Variants in TLE4 observed in about 807,000 individuals in gnomAD.
The protein encoded by TLE4 is transducin-like enhancer protein 4.
Under a neutral mutation model 92.8 loss-of-function variants are expected in TLE4, and 8 were observed. The ratio of observed to expected loss-of-function variants is 0.09; its 90% confidence interval spans 0.05 to 0.16. The LOEUF is 0.16. Among genes scored for constraint, TLE4 ranks in the 10% least tolerant of loss-of-function variants. The pLI is 1.00. For missense variants in TLE4, 675 were observed against 997.6 expected (o/e 0.68, Z 4.36); for synonymous variants, 371 against 374.1 (o/e 0.99, Z 0.10).
intron 8 of TLE4, among the ~76,000 whole-genome samples, chr9:79,663,045 T>TGGGTGGGGGTGG (rs57059626): frequency 1.8e-5 from 2 of 109,904 alleles, no homozygotes; most frequent in African/African-American, 6.4e-5. Context: ...CCTCCCAACC[T>TGGGTGGGGGTGG]GGGTGGGGGT....
At chr9:79,722,874 T>G in intron 18 of TLE4, 85 bp from the exon 19 acceptor site, 1 of 1,263,942 alleles carries the variant, frequency 7.9e-7, no homozygotes. Flanking sequence ...AGTTTTCTGT[T>G]AATAGTTTGG....
chr9:79,715,194 C>T (rs950726829), intron 14 of TLE4, among the ~76,000 whole-genome samples: 2 of 152,140 alleles, frequency 1.3e-5, no homozygotes, highest in African/African-American at 4.8e-5. Flanking sequence ...TCTCAGTGCT[C>T]TTTAATAACC....
chr9:79,704,772 T>G lies in TLE4; in HGVS notation c.610-11T>G, dbSNP rs904986797. 7 of 1,606,044 alleles carry G rather than the reference T, an allele frequency of 4.4e-6. No individual in the cohort carries two copies. The African/African-American group carries it at 9.4e-5, about 22-fold the overall frequency. ...ATTTCTCAACCATGCTTCCTCTCCTTCTAATTCCAGAGCTCTTCAGTATCC... is the reference window on the plus strand; with the variant it reads ...ATTTCTCAACCATGCTTCCTCTCCTGCTAATTCCAGAGCTCTTCAGTATCC... On this transcript the variant is annotated splice_polypyrimidine_tract_variant and intron_variant, in intron 8 of 19. Coordinates refer to ENST00000376552, the MANE Select transcript of TLE4 (RefSeq NM_007005.6).
chr9:79,702,843 G>A (rs573701101), intron 8 of TLE4, among the ~76,000 whole-genome samples: 5 of 152,190 alleles, frequency 3.3e-5, no homozygotes, highest in African/African-American at 7.2e-5. Context: ...ATCACCACAG[G>A]TATGAAGAAA....
Position 79,583,473 on chromosome 9 carries a change from T to C in TLE4, c.252+7296T>C, listed in dbSNP as rs192386144. Among the ~76,000 whole-genome samples, 12 of 152,250 alleles carry C rather than the reference T, an allele frequency of 7.9e-5. No individual in the cohort carries two copies. The East Asian group carries it at 2.3e-3, about 29-fold the overall frequency. ...AATGAAAGGATAACTTCTCTCCCGGTGCGAGACAATACTCTATCCCCAACC... is the reference window on the plus strand; with the variant it reads ...AATGAAAGGATAACTTCTCTCCCGGCGCGAGACAATACTCTATCCCCAACC... On this transcript the variant is annotated intron_variant, in intron 4 of 19. Transcript: ENST00000376552.
intron 4 of TLE4, among the ~76,000 whole-genome samples, chr9:79,588,567 C>A (rs1020435259): frequency 1.3e-5 from 2 of 152,186 alleles, no homozygotes; most frequent in African/African-American, 2.4e-5. Context: ...CAAATTAACA[C>A]ACTAGATTAG....
rs377475285 is a variant in TLE4 at position 79,689,897 on chromosome 9, A to G, written c.610-14886A>G. Among the ~76,000 whole-genome samples, 8 of 152,290 alleles carry G rather than the reference A, an allele frequency of 5.3e-5. No homozygotes were observed. In the East Asian group the frequency reaches 5.8e-4, roughly 11 times the overall value. On this transcript the variant is annotated intron_variant, in intron 8 of 19. Coordinates refer to ENST00000376552, the MANE Select transcript of TLE4 (RefSeq NM_007005.6). ...TTTTAAGATTGCCTGTATCCAGGCC[A>G]CTTACTTAAGCCTACCCTCTCTGGA...
intron 8 of TLE4, among the ~76,000 whole-genome samples, chr9:79,671,923 G>A (rs1165008450): frequency 6.8e-5 from 8 of 116,830 alleles, no homozygotes; most frequent in African/African-American, 1.8e-4. Context: ...CAGTTTCTCC[G>A]TTAAAAAAAA....
intron 4 of TLE4, among the ~76,000 whole-genome samples, chr9:79,592,034 C>A (rs756265709): frequency 1.3e-5 from 2 of 152,090 alleles, no homozygotes; most frequent in Non-Finnish European, 2.9e-5. Flanking sequence ...TGCCAGGCAG[C>A]CTTTTGTGGG....
intron 8 of TLE4, among the ~76,000 whole-genome samples, chr9:79,670,123 CAAGTAG>C (rs1469726040): frequency 1.3e-5 from 2 of 149,684 alleles, no homozygotes; most frequent in African/African-American, 4.9e-5. Flanking sequence ...GGAAATCGTG[CAAGTAG>C]AAAACTTGAA....
At chr9:79,698,798 G>T (rs978759935) in intron 8 of TLE4, among the ~76,000 whole-genome samples, 1 of 151,036 alleles carries the variant, frequency 6.6e-6, no homozygotes, top group Admixed American at 6.6e-5. Context: ...TGTGCATTTT[G>T]ACCAAGTAAT....
At chr9:79,628,019 A>G (rs193061879) in intron 6 of TLE4, among the ~76,000 whole-genome samples, 1 of 152,268 alleles carries the variant, frequency 6.6e-6, no homozygotes, top group Admixed American at 6.5e-5. Flanking sequence ...TTAATGTTGC[A>G]TAGAAATTGT....
At chr9:79,606,533 C>A (rs540354927) in intron 4 of TLE4, among the ~76,000 whole-genome samples, 2 of 152,070 alleles carry the variant, frequency 1.3e-5, no homozygotes, top group Admixed American at 1.3e-4. Context: ...CCCAGTCCCC[C>A]ACTCCCCAAC....
At position 79,704,828 on chromosome 9, in the gene TLE4, C is replaced by A; in HGVS notation, c.655C>A (p.His219Asn). The A allele has an allele frequency of 1.2e-6, 2 of 1,614,136 alleles. No homozygotes were observed. The highest frequency in any genetic ancestry group is 1.7e-6 in the Non-Finnish European group (2 of 1,180,024). Residue 219 changes from histidine (H) to asparagine (N), a missense_variant, in exon 9 of 20, where the codon CAC (histidine) becomes AAC (asparagine). Transcript: ENST00000376552. Reference protein sequence around the residue: ...PSASFRGAEKHRNSADYSSES... With the variant: ...PSASFRGAEKNRNSADYSSES... Reference sequence around the variant, plus strand: ...AGCCAGTTTCCGAGGTGCTGAGAAGCACAGAAACTCCGCAGACTACTCCTC... The same window carrying A: ...AGCCAGTTTCCGAGGTGCTGAGAAGAACAGAAACTCCGCAGACTACTCCTC...
chr9:79,585,103 G>A (rs942280028), intron 4 of TLE4, among the ~76,000 whole-genome samples: 105 of 152,244 alleles, frequency 6.9e-4, no homozygotes, highest in African/African-American at 2.2e-3. Flanking sequence ...CAAGGGACAA[G>A]GAATTTTGAA....
At chr9:79,603,570 AACTTTT>A (rs2046156784) in intron 4 of TLE4, among the ~76,000 whole-genome samples, 1 of 152,124 alleles carries the variant, frequency 6.6e-6, no homozygotes, top group Non-Finnish European at 1.5e-5. Flanking sequence ...GTACAAACAT[AACTTTT>A]ATGTTTGTAC....
intron 4 of TLE4, among the ~76,000 whole-genome samples, chr9:79,581,103 TTGG>T (rs2039540032): frequency 6.6e-6 from 1 of 152,194 alleles, no homozygotes; most frequent in African/African-American, 2.4e-5. Context: ...GTGAAGGGTA[TTGG>T]TGGTGTTTTT....
chr9:79,701,527 G>T (rs1329402259), intron 8 of TLE4, among the ~76,000 whole-genome samples: 1 of 152,144 alleles, frequency 6.6e-6, no homozygotes, highest in Non-Finnish European at 1.5e-5. Context: ...AGCAGAATCA[G>T]AGAATTGTTA....
intron 4 of TLE4, among the ~76,000 whole-genome samples, chr9:79,585,755 G>C (rs563052749): frequency 6.6e-6 from 1 of 151,728 alleles, no homozygotes; most frequent in African/African-American, 2.4e-5. Flanking sequence ...GAGTAGAAAT[G>C]TATATTTATA....
Sources: gnomAD v4.1 joint callset for allele counts (sites outside exome capture counted in the v4.1 genomes callset) on GRCh38, gnomAD v4.1.1 for gene constraint, MANE v1.5 for transcripts, NCBI Gene and HGNC (gene_info 2026-07-23, HGNC 2026-07-21) for gene names.